Variants in CDC45 observed in about 807,000 individuals in gnomAD.
CDC45 encodes the protein cell division cycle 45, also known as cell division control protein 45 homolog.
A neutral mutation model predicts 77.8 loss-of-function variants in CDC45; 54 were observed. The observed-to-expected ratio is 0.69, with a 90% confidence interval of 0.56 to 0.87. The LOEUF is 0.87. Among genes scored for constraint, CDC45 ranks in the 40% least tolerant of loss-of-function variants. The probability of loss-of-function intolerance (pLI) is 0.00; values close to 1 mark genes in which losing one functional copy is unlikely to be tolerated. For missense variants in CDC45, 649 were observed against 721.6 expected, an observed-to-expected ratio of 0.90 and a Z score of 1.15; for synonymous variants, 260 against 272.1, an observed-to-expected ratio of 0.96 and a Z score of 0.44.
chr22:19,496,388 T>C (rs2090243737), intron 7 of CDC45, among the ~76,000 whole-genome samples: 1 of 152,210 alleles, frequency 6.6e-6, no homozygotes, highest in Admixed American at 6.5e-5. Flanking sequence ...CCCATCAGTG[T>C]GTGTCTTTTA....
At chr22:19,508,127 G>T (rs560658476) in intron 12 of CDC45, among the ~76,000 whole-genome samples, 6 of 152,056 alleles carry the variant, frequency 3.9e-5, no homozygotes, top group Non-Finnish European at 7.4e-5. Flanking sequence ...GGATCCTAGG[G>T]CTGCTGTGGG....
chr22:19,502,227 C>G (rs893942188), intron 9 of CDC45, among the ~76,000 whole-genome samples: 2 of 152,132 alleles, frequency 1.3e-5, no homozygotes, highest in Non-Finnish European at 2.9e-5. Flanking sequence ...AGTCCTGACA[C>G]CCTAAATATC....
chr22:19,492,693 G>A (rs1050793724), intron 5 of CDC45, among the ~76,000 whole-genome samples: 3 of 152,074 alleles, frequency 2.0e-5, no homozygotes, highest in African/African-American at 7.2e-5. Context: ...GGAGATTTTT[G>A]TATTATGTGA....
chr22:19,518,726 CG>C (rs1933940066), intron 17 of CDC45, 117 bp from the exon 18 acceptor site: 8 of 777,646 alleles, frequency 1.0e-5, no homozygotes, highest in Non-Finnish European at 1.8e-5. Context: ...TACCACAGGC[CG>C]GGAGGAGCCG....
chr22:19,519,856 G>A (rs1047787704), intron 18 of CDC45, among the ~76,000 whole-genome samples: 65 of 151,992 alleles, frequency 4.3e-4, no homozygotes, highest in African/African-American at 1.4e-3. Context: ...TTTTGGGCGC[G>A]GGGCTCTGAG....
intron 1 of CDC45, 66 bp downstream of exon 1, chr22:19,480,085 G>T: frequency 6.2e-7 from 1 of 1,612,300 alleles, no homozygotes. Context: ...GGGAGCGACC[G>T]TGGGTGACCG....
intron 9 of CDC45, 143 bp downstream of exon 9, chr22:19,499,294 G>T: frequency 1.3e-6 from 1 of 799,804 alleles, no homozygotes; most frequent in Non-Finnish European, 2.1e-6. Flanking sequence ...TTGGGCCCAA[G>T]CATTTGTCAC....
rs1426712298 is a variant in CDC45, at chr22:19,494,700, G to A, written c.542+318G>A. 12 of 883,450 alleles carry A rather than the reference G, an allele frequency of 1.4e-5. No homozygotes were observed. The Admixed American group carries it at 2.2e-4, about 16-fold the overall frequency. 54.7% of individuals were successfully genotyped at this position (883,450 alleles called of 1,614,324 possible). A position where few individuals can be genotyped will look rare whatever the true frequency, so the allele number is the denominator to read the frequency against. ...GATTTACAAATTATTTATAAGAAGT[G>A]CTCTAAAATGAAAATATTGGAAAGG... is the stretch of plus-strand genomic sequence containing the variant. On this transcript the variant is annotated intron_variant, in intron 6 of 18. Transcript: ENST00000263201.
At chr22:19,499,395 C>G (rs1373117219) in intron 9 of CDC45, among the ~76,000 whole-genome samples, 5 of 152,162 alleles carry the variant, frequency 3.3e-5, no homozygotes, top group Non-Finnish European at 5.9e-5. Flanking sequence ...CCAGTTCTCT[C>G]CCAGTGCCCT....
chr22:19,517,045 G>A (rs1266000311), intron 17 of CDC45, 152 bp downstream of exon 17: 1 of 657,764 alleles, frequency 1.5e-6, no homozygotes, highest in Admixed American at 2.7e-5. Context: ...GCTACTCCTG[G>A]TGGCTCAGGG....
In CDC45 at chr22:19,499,355, G is replaced by A. The variant is rs375720080; in HGVS notation, c.704+204G>A. On this transcript the variant is annotated intron_variant, in intron 9 of 18. Coordinates refer to ENST00000263201, the MANE Select transcript of CDC45 (RefSeq NM_003504.5). ...CCGAGTGACCGTGGCCTTGTGTGGC[G>A]TCTTCATCTGGCAGGTAGAGCCAGC... Among the ~76,000 whole-genome samples, 58 of 152,296 alleles carry A rather than the reference G, an allele frequency of 3.8e-4. 1 individual carries two copies. Among genetic ancestry groups the A allele is most frequent in the Middle Eastern group, 6.8e-3 (2 of 294 alleles).
intron 5 of CDC45, among the ~76,000 whole-genome samples, chr22:19,490,367 T>TTTTTTA (rs1555874114): frequency 2.0e-5 from 3 of 151,850 alleles, no homozygotes; most frequent in Non-Finnish European, 4.4e-5. Context: ...TTTCTTGTTC[T>TTTTTTA]TTGTTATTTG....
Position 19,510,150 on chromosome 22 carries a change from T to TGTG in CDC45, c.1217+1461_1217+1462insGGT, listed in dbSNP as rs1023325938. The stretch of plus-strand genomic sequence containing the variant: ...CTAATTTTAAAAATTTTTGTAAAGA[T>TGTG]GTATCACTATGTGGCCCAGACTGGT... On this transcript the variant is annotated intron_variant, in intron 13 of 18. Coordinates refer to ENST00000263201, the MANE Select transcript of CDC45 (RefSeq NM_003504.5). 2.2e-4 allele frequency among the ~76,000 whole-genome samples: 33 copies of TGTG among 152,066 alleles called. 1 individual carries two copies. The highest frequency in any genetic ancestry group is 7.7e-4 in the African/African-American group (32 of 41,478).
chr22:19,495,752 G>A (rs1406895308), intron 6 of CDC45, among the ~76,000 whole-genome samples: 2 of 152,140 alleles, frequency 1.3e-5, no homozygotes, highest in African/African-American at 4.8e-5. Flanking sequence ...AGCCCAGGAT[G>A]TCAAGGCTGC....
At chr22:19,486,382 C>T (rs1471916503) in intron 5 of CDC45, among the ~76,000 whole-genome samples, 1 of 152,214 alleles carries the variant, frequency 6.6e-6, no homozygotes, top group African/African-American at 2.4e-5. Flanking sequence ...CTGAACTATT[C>T]TCCAATCAAG....
chr22:19,511,215 C>T (rs980611969), intron 13 of CDC45, among the ~76,000 whole-genome samples: 15 of 151,762 alleles, frequency 9.9e-5, no homozygotes, highest in Admixed American at 5.3e-4. Context: ...AGTGGTATCT[C>T]GTTATGGTTT....
In CDC45 at chr22:19,508,699, G is replaced by A. The variant is rs371013031; in HGVS notation, c.1217+8G>A. 2 of 1,613,092 alleles carry A rather than the reference G, an allele frequency of 1.2e-6. No homozygotes were observed. The highest frequency in any genetic ancestry group is 2.7e-5 in the African/African-American group (2 of 74,902). ...TCTGGACAGCCTCTCCAGGTAGCAG[G>A]AGGGCTGTGGGTTTGCCTCATGGGG... On this transcript the variant is annotated splice_region_variant and intron_variant, in intron 13 of 18. Transcript: ENST00000263201.
intron 4 of CDC45, among the ~76,000 whole-genome samples, chr22:19,483,259 C>T (rs1441499155): frequency 2.0e-5 from 3 of 152,076 alleles, no homozygotes; most frequent in Non-Finnish European, 2.9e-5. Context: ...GGTGAAACCC[C>T]GTCTCTACTA....
At chr22:19,481,086 A>G (rs914139988) in intron 3 of CDC45, 41 bp downstream of exon 3, 8 of 1,284,162 alleles carry the variant, frequency 6.2e-6, no homozygotes, top group Admixed American at 1.7e-5. Flanking sequence ...CTTTTTACTC[A>G]ATTGTAATTT....
Sources: allele counts gnomAD v4.1 joint callset (sites outside exome capture counted in the v4.1 genomes callset), GRCh38; gene constraint gnomAD v4.1.1; transcripts MANE v1.5; gene names NCBI Gene and HGNC (gene_info 2026-07-23, HGNC 2026-07-21).